Variants in FRMD4A observed in about 807,000 individuals in gnomAD.
The protein encoded by FRMD4A is FERM domain containing 4A, also known as FERM domain-containing protein 4A.
Under a neutral mutation model 129.1 loss-of-function variants are expected in FRMD4A, and 29 were observed. The ratio of observed to expected loss-of-function variants is 0.22; its 90% CI spans 0.17 to 0.31. FRMD4A has a LOEUF of 0.31. FRMD4A is among the 10% of genes least tolerant of loss of function. The pLI, the probability that FRMD4A is intolerant of heterozygous loss-of-function variation, is 1.00. For synonymous variants in FRMD4A, 634 were observed against 571.6 expected, an observed-to-expected ratio of 1.11 and a Z score of -1.56; for missense variants, 1,272 against 1,375.8, an observed-to-expected ratio of 0.92 and a Z score of 1.19.
intron 2 of FRMD4A, among the ~76,000 whole-genome samples, chr10:13,864,576 T>G (rs1204888194): frequency 6.7e-6 from 1 of 149,806 alleles, no homozygotes; most frequent in African/African-American, 2.4e-5. Flanking sequence ...CTTCTTTCTT[T>G]CTTTTTTTTT....
intron 2 of FRMD4A, among the ~76,000 whole-genome samples, chr10:14,099,527 C>T (rs183425670): frequency 6.6e-6 from 1 of 152,156 alleles, no homozygotes; most frequent in Non-Finnish European, 1.5e-5. Context: ...TACAATCAGC[C>T]CTGCAGAACT....
At chr10:14,174,416 C>A (rs557954190) in intron 2 of FRMD4A, among the ~76,000 whole-genome samples, 1 of 152,310 alleles carries the variant, frequency 6.6e-6, no homozygotes, top group East Asian at 1.9e-4. Flanking sequence ...TGATCTGTAA[C>A]AACCCACAGG....
intron 2 of FRMD4A, among the ~76,000 whole-genome samples, chr10:14,195,448 G>A (rs909454118): frequency 8.0e-5 from 12 of 150,756 alleles, no homozygotes; most frequent in African/African-American, 2.9e-4. Flanking sequence ...AAAAAAATCA[G>A]TTGCCATCAG....
intron 2 of FRMD4A, 89 bp from the exon 3 acceptor site, chr10:13,859,001 A>G (rs1350596379): frequency 2.5e-6 from 2 of 814,030 alleles, no homozygotes; most frequent in Non-Finnish European, 4.4e-6. Flanking sequence ...TGCCAGGCAT[A>G]TTCCTCTGGG....
At chr10:13,666,911 CTTT>C (rs10546068) in intron 17 of FRMD4A, among the ~76,000 whole-genome samples, 9,740 of 114,242 alleles carry the variant, frequency 0.085, 356 homozygotes, top group Non-Finnish European at 0.12. Context: ...CTTTTCTTTT[CTTT>C]TTTTTTTTTT....
intron 2 of FRMD4A, among the ~76,000 whole-genome samples, chr10:13,955,127 A>C: frequency 1.0e-4 from 1 of 9,890 alleles, no homozygotes; most frequent in South Asian, 3.8e-3. Flanking sequence ...TTTTTTTTTG[A>C]GACGGAGTAT....
chr10:14,193,080 C>T (rs1842365333), intron 2 of FRMD4A, among the ~76,000 whole-genome samples: 1 of 152,204 alleles, frequency 6.6e-6, no homozygotes, highest in African/African-American at 2.4e-5. Context: ...CTACCCTGGG[C>T]CATCCATGGC....
chr10:13,672,713 C>CG (rs1286265244), intron 16 of FRMD4A, among the ~76,000 whole-genome samples: 2 of 152,090 alleles, frequency 1.3e-5, no homozygotes, highest in African/African-American at 4.8e-5. Flanking sequence ...ATGCTCTCCC[C>CG]CTCCATCATT....
rs867567866 is a variant in FRMD4A, at chr10:13,884,214, A to T, written c.46-25302T>A. ...CACACACTCACACACACACTCACAC[A>T]CACACACACACACACACACACACAC... On this transcript the variant is annotated intron_variant, in intron 2 of 24. Coordinates refer to ENST00000357447, the MANE Select transcript of FRMD4A (RefSeq NM_018027.5). Among the ~76,000 whole-genome samples, 14 of 115,326 alleles carry T rather than the reference A, an allele frequency of 1.2e-4. 1 individual carries two copies. Among genetic ancestry groups the T allele is most frequent in the African/African-American group, 4.6e-4 (14 of 30,630 alleles). The allele number at this position is 115,326 out of a possible 152,430, so 75.7% of individuals were successfully genotyped here. A position where few individuals can be genotyped will look rare whatever the true frequency, so the allele number is the denominator to read the frequency against.
At chr10:13,778,071 G>T (rs1021995000) in intron 6 of FRMD4A, among the ~76,000 whole-genome samples, 5 of 152,076 alleles carry the variant, frequency 3.3e-5, no homozygotes, top group Admixed American at 6.6e-5. Flanking sequence ...AAAGTGCTGG[G>T]ATTACAGGCG....
chr10:14,178,943 G>T (rs533919475), intron 2 of FRMD4A, among the ~76,000 whole-genome samples: 1 of 152,190 alleles, frequency 6.6e-6, no homozygotes, highest in South Asian at 2.1e-4. Context: ...CCCACACCAA[G>T]GAACCTCTCT....
At chr10:14,102,200 A>G (rs996147218) in intron 2 of FRMD4A, among the ~76,000 whole-genome samples, 5 of 152,318 alleles carry the variant, frequency 3.3e-5, no homozygotes, top group South Asian at 4.1e-4. Context: ...GTCTCCTGGA[A>G]TACCTTCACA....
At chr10:14,185,116 CTG>C (rs1264766305) in intron 2 of FRMD4A, among the ~76,000 whole-genome samples, 2 of 152,210 alleles carry the variant, frequency 1.3e-5, no homozygotes, top group Non-Finnish European at 2.9e-5. Flanking sequence ...TTGCCAATGT[CTG>C]TGTCTGAACA....
At chr10:14,074,994 A>C (rs1355363049) in intron 2 of FRMD4A, among the ~76,000 whole-genome samples, 1 of 152,202 alleles carries the variant, frequency 6.6e-6, no homozygotes, top group African/African-American at 2.4e-5. Context: ...TTGACAGTCT[A>C]TGTTTCATAG....
intron 2 of FRMD4A, among the ~76,000 whole-genome samples, chr10:14,111,264 A>T (rs1233211351): frequency 6.6e-6 from 1 of 152,118 alleles, no homozygotes; most frequent in African/African-American, 2.4e-5. Flanking sequence ...GGTTTATTTC[A>T]CTTAGCATAA....
chr10:13,809,179 G>A (rs2130869434), intron 4 of FRMD4A, among the ~76,000 whole-genome samples: 1 of 152,294 alleles, frequency 6.6e-6, no homozygotes, highest in South Asian at 2.1e-4. Context: ...TCCGATTCCT[G>A]CCAGTCAGTG....
rs1276202508 is a variant in FRMD4A at position 13,644,603 on chromosome 10, TC to T, written c.*2434del. 2 of 152,238 alleles carry T rather than the reference TC, an allele frequency of 1.3e-5. No individual in the cohort carries two copies. The highest frequency in any genetic ancestry group is 4.8e-5 in the African/African-American group (2 of 41,454). The allele number at this position is 152,238 out of a possible 1,614,324, so 9.4% of individuals were successfully genotyped here. A position where few individuals can be genotyped will look rare whatever the true frequency, so the allele number is the denominator to read the frequency against. Reference sequence around the variant, plus strand: ...TCCTTGCAACTCCAGTGGGCTAGAATCTTGATCCAGTTTTCTCCAGACTAGA... The same window carrying T: ...TCCTTGCAACTCCAGTGGGCTAGAATTTGATCCAGTTTTCTCCAGACTAGA... On this transcript the variant is annotated 3_prime_UTR_variant, in exon 25 of 25. Transcript: ENST00000357447.
chr10:13,655,900 G>A (rs1019937272), intron 22 of FRMD4A: 1 of 152,132 alleles, frequency 6.6e-6, no homozygotes, highest in Admixed American at 6.5e-5. Flanking sequence ...GTTGGTCATT[G>A]TCACTGTTAT....
At chr10:13,705,986 G>C (rs1303268629) in intron 13 of FRMD4A, among the ~76,000 whole-genome samples, 1 of 152,164 alleles carries the variant, frequency 6.6e-6, no homozygotes, top group Non-Finnish European at 1.5e-5. Context: ...TACTGCACAG[G>C]TCCAAGCCCT....
Sources: gnomAD v4.1 joint callset for allele counts (sites outside exome capture counted in the v4.1 genomes callset) on GRCh38, gnomAD v4.1.1 for gene constraint, MANE v1.5 for transcripts, NCBI Gene and HGNC (gene_info 2026-07-23, HGNC 2026-07-21) for gene names.